Variants in ASMTL observed in about 807,000 individuals in gnomAD.
ASMTL encodes the protein acetylserotonin O-methyltransferase like, also known as probable bifunctional dTTP/UTP pyrophosphatase/methyltransferase protein.
ASMTL carries 57 observed loss-of-function variants against 60.3 expected under a neutral mutation model. That is an observed-to-expected ratio of 0.95 (90% CI 0.76 to 1.18). ASMTL has a LOEUF of 1.18. Among genes scored for constraint, ASMTL ranks in the 50% most tolerant of loss-of-function variants. The pLI is 0.00. For missense variants in ASMTL, 981 were observed against 852.6 expected (o/e 1.15, Z -1.88); for synonymous variants, 419 against 373.0 (o/e 1.12, Z -1.42).
intron 3 of ASMTL, among the ~76,000 whole-genome samples, chrX:1,436,319 G>C (rs2090962574): frequency 6.6e-6 from 1 of 151,952 alleles, no homozygotes; most frequent in African/African-American, 2.4e-5. Flanking sequence ...GAATACAGGT[G>C]CACACCACCA....
At chrX:1,433,537 C>G (rs2090872451) in intron 5 of ASMTL, among the ~76,000 whole-genome samples, 1 of 149,274 alleles carries the variant, frequency 6.7e-6, no homozygotes, top group Admixed American at 6.7e-5. Context: ...AAAAAATTAG[C>G]CGGGCGTGGT....
intron 8 of ASMTL, among the ~76,000 whole-genome samples, chrX:1,424,517 TATCCACTCACCC>T (rs1157188709): frequency 2.1e-5 from 3 of 141,352 alleles, no homozygotes; most frequent in Non-Finnish European, 3.1e-5. Context: ...TCCACACATC[TATCCACTCACCC>T]ATCCATCCAC....
intron 8 of ASMTL, among the ~76,000 whole-genome samples, chrX:1,424,296 C>G (rs2090553525): frequency 6.8e-6 from 1 of 147,986 alleles, no homozygotes; most frequent in Non-Finnish European, 1.5e-5. Flanking sequence ...ATCCAACCAC[C>G]CACCTACCCA....
Position 1,439,146 on chromosome X carries a change from T to G in ASMTL, c.226-2A>C. The G allele has an allele frequency of 6.2e-7, 1 of 1,614,016 alleles. No homozygotes were observed. Among genetic ancestry groups the G allele is most frequent in the Non-Finnish European group, 8.5e-7 (1 of 1,179,856 alleles). ...CACGTCGGGGGCCCGCAGGTCTTTC[T>G]GTAAGAAAACCAGATTCCGGTTTAC... On this transcript the variant is annotated splice_acceptor_variant, in intron 2 of 12. Coordinates refer to ENST00000381317, the MANE Select transcript of ASMTL (RefSeq NM_004192.4). LOFTEE classifies it high-confidence loss of function.
At chrX:1,449,222 T>A (rs1250826260) in intron 1 of ASMTL, among the ~76,000 whole-genome samples, 1 of 152,102 alleles carries the variant, frequency 6.6e-6, no homozygotes, top group Non-Finnish European at 1.5e-5. Flanking sequence ...TAAACCCGTC[T>A]TTGACTGTGA....
chrX:1,428,928 G>A (rs756648586), intron 6 of ASMTL, among the ~76,000 whole-genome samples: 24 of 150,612 alleles, frequency 1.6e-4, no homozygotes, highest in African/African-American at 5.6e-4. Flanking sequence ...ACAGAGTCTC[G>A]CTCTGTCGCC....
chrX:1,419,811 TG>T (rs1375443727), intron 9 of ASMTL, among the ~76,000 whole-genome samples: 1 of 152,188 alleles, frequency 6.6e-6, no homozygotes, highest in East Asian at 1.9e-4. Flanking sequence ...GTGGCAATCA[TG>T]GGGCTCAGGG....
At position 1,419,038 on chromosome X, in the gene ASMTL, C is replaced by A; in HGVS notation, c.1322G>T (p.Cys441Phe). ...CAGATTGAAGGCCGTGGCCACCTGG[C>A]ACGCAGTCAGCTTCGTCATGCCGTG... ...AMHGMTKLTA[C>F]QVATAFNLSR... The change falls in exon 10 of 13, where the codon TGC (cysteine) becomes TTC (phenylalanine). Residue 441 changes from cysteine (C) to phenylalanine (F), a missense_variant. Transcript: ENST00000381317. 1 of 1,611,618 alleles carries A rather than the reference C, an allele frequency of 6.2e-7. No individual in the cohort carries two copies. The highest frequency in any genetic ancestry group is 8.5e-7 in the Non-Finnish European group (1 of 1,179,698).
At chrX:1,434,919 G>C in intron 5 of ASMTL, 103 bp downstream of exon 5, 1 of 1,244,096 alleles carries the variant, frequency 8.0e-7, no homozygotes, top group Admixed American at 1.9e-5. Flanking sequence ...CTCCACAGGT[G>C]GGGGTGAGCA....
chrX:1,430,452 G>A (rs1379257714), intron 6 of ASMTL, among the ~76,000 whole-genome samples: 45 of 151,814 alleles, frequency 3.0e-4, no homozygotes, highest in African/African-American at 1.1e-3. Flanking sequence ...TATATATTAC[G>A]CAGACTCCAT....
At chrX:1,432,429 G>T in intron 5 of ASMTL, 52 bp from the exon 6 acceptor site, 1 of 1,409,400 alleles carries the variant, frequency 7.1e-7, no homozygotes, top group Non-Finnish European at 1.0e-6. Context: ...TGTCACCTCC[G>T]TGCCCTGACA....
At chrX:1,425,156 CATCT>C (rs1272056557) in intron 8 of ASMTL, among the ~76,000 whole-genome samples, 3 of 152,074 alleles carry the variant, frequency 2.0e-5, no homozygotes, top group Non-Finnish European at 2.9e-5. Context: ...ATGCATTTAT[CATCT>C]ATCTATGTAT....
At chrX:1,444,328 T>C (rs756774727) in intron 1 of ASMTL, among the ~76,000 whole-genome samples, 2 of 151,576 alleles carry the variant, frequency 1.3e-5, no homozygotes, top group South Asian at 2.1e-4. Context: ...CCTGCCTCAG[T>C]CTCCCGAGTA....
At chrX:1,419,198 G>A (rs1320011959) in intron 9 of ASMTL, 84 bp from the exon 10 acceptor site, 2 of 1,525,872 alleles carry the variant, frequency 1.3e-6, no homozygotes, top group Admixed American at 3.8e-5. Flanking sequence ...GGGGGGAGAA[G>A]TGCAGGGCTC....
chrX:1,452,771 G>A lies in ASMTL; in HGVS notation c.70C>T (p.Arg24Cys), dbSNP rs764717433. ...RVVLASASPR[R>C]QEILSNAGLR... is the part of the protein sequence containing the mutation. Reference sequence around the variant, plus strand: ...ACCGCGTTGCTGAGGATCTCCTGACGGCGTGGGGAGGCGCTGGCCAGCACC... The same window carrying A: ...ACCGCGTTGCTGAGGATCTCCTGACAGCGTGGGGAGGCGCTGGCCAGCACC... The change falls in exon 1 of 13, where the codon CGT (arginine) becomes TGT (cysteine). Residue 24 changes from arginine to cysteine, a missense_variant. Arg to Cys is a radical substitution (Grantham distance 180). Transcript: ENST00000381317. The A allele has an allele frequency of 1.2e-5, 19 of 1,594,262 alleles. No homozygotes were observed. In the East Asian group the frequency reaches 3.1e-4, roughly 26 times the overall value.
chrX:1,436,105 G>A (rs1313416099), intron 3 of ASMTL, among the ~76,000 whole-genome samples: 5 of 152,128 alleles, frequency 3.3e-5, no homozygotes, highest in African/African-American at 1.2e-4. Flanking sequence ...GTGGTCCTCC[G>A]GGGCTGGTTT....
At chrX:1,416,309 G>A (rs2090256579) in intron 11 of ASMTL, among the ~76,000 whole-genome samples, 1 of 109,036 alleles carries the variant, frequency 9.2e-6, no homozygotes, top group Non-Finnish European at 1.8e-5. Flanking sequence ...ACGCAGACAT[G>A]CACAGCTGGA....
At chrX:1,412,069 G>A (rs1338141985) in intron 12 of ASMTL, among the ~76,000 whole-genome samples, 8 of 151,274 alleles carry the variant, frequency 5.3e-5, no homozygotes, top group Admixed American at 2.6e-4. Context: ...CGCCCGCCTC[G>A]GCCTCCCGAA....
At chrX:1,418,927 T>C (rs1210293125) in intron 10 of ASMTL, 55 bp downstream of exon 10, 4 of 1,608,630 alleles carry the variant, frequency 2.5e-6, no homozygotes, top group Non-Finnish European at 2.5e-6. Context: ...GCAGGGAAGA[T>C]ACCTGTGGCT....
Sources: gnomAD v4.1 joint callset for allele counts (sites outside exome capture counted in the v4.1 genomes callset) on GRCh38, gnomAD v4.1.1 for gene constraint, MANE v1.5 for transcripts, NCBI Gene and HGNC (gene_info 2026-07-23, HGNC 2026-07-21) for gene names.